Variants in DNAH11 observed in about 807,000 individuals in gnomAD.
DNAH11 encodes the protein dynein axonemal heavy chain 11.
A neutral mutation model predicts 526.0 loss-of-function variants in DNAH11; 442 were observed. The ratio of observed to expected loss-of-function variants is 0.84; its 90% CI spans 0.78 to 0.91. The LOEUF (loss-of-function observed/expected upper bound fraction) is 0.91, where lower values mean the gene tolerates loss of function less well. Ranked by LOEUF, DNAH11 falls within the 40% of genes least tolerant of loss-of-function variation. The pLI, the probability that DNAH11 is intolerant of heterozygous loss-of-function variation, is 0.00. For missense variants in DNAH11, 6,989 were observed against 5,448.7 expected (o/e 1.28, Z -8.90); for synonymous variants, 2,461 against 1,935.9 (o/e 1.27, Z -7.12).
At chr7:21,862,505 A>G (rs1783104140) in intron 69 of DNAH11, among the ~76,000 whole-genome samples, 1 of 152,172 alleles carries the variant, frequency 6.6e-6, no homozygotes, top group Admixed American at 6.5e-5. Flanking sequence ...TAAATTGCTA[A>G]AGGAGTAGAT....
At chr7:21,774,115 C>A in intron 56 of DNAH11, 116 bp downstream of exon 56, 1 of 965,038 alleles carries the variant, frequency 1.0e-6, no homozygotes, top group Non-Finnish European at 1.5e-6. Context: ...GTGAAATTTA[C>A]AGTTTCATGA....
chr7:21,674,364 T>C (rs1782776930), intron 30 of DNAH11, among the ~76,000 whole-genome samples: 1 of 151,830 alleles, frequency 6.6e-6, no homozygotes, highest in Admixed American at 6.6e-5. Flanking sequence ...TCTGTTTTTG[T>C]GTTTTGTTTT....
chr7:21,737,250 G>C (rs1452447954), intron 46 of DNAH11, among the ~76,000 whole-genome samples: 1 of 152,248 alleles, frequency 6.6e-6, no homozygotes, highest in East Asian at 1.9e-4. Flanking sequence ...CTGAAGCATA[G>C]TGATTGGGTG....
In DNAH11 at chr7:21,894,670, C is replaced by T. The variant is rs745881970; in HGVS notation, c.12798C>T (p.Phe4266=). 2.5e-6 allele frequency: 4 copies of T among 1,613,918 alleles called. No individual in the cohort carries two copies. ...DDILEKLPEE[F]NMAEIMQKNS... is the part of the protein sequence containing the mutation. ...TTTTGGAGAAACTTCCAGAAGAGTT[C>T]AACATGGCAGAGATAATGCAAAAAA... Residue 4266 remains phenylalanine, a synonymous_variant, in exon 78 of 82, where the codon TTC becomes TTT. Coordinates refer to ENST00000409508, the MANE Select transcript of DNAH11 (RefSeq NM_001277115.2).
chr7:21,799,256 C>T (rs1218278990), intron 61 of DNAH11, among the ~76,000 whole-genome samples: 2 of 152,126 alleles, frequency 1.3e-5, no homozygotes, highest in Non-Finnish European at 2.9e-5. Context: ...ATACCAGAGC[C>T]TTCGTGTGCT....
Position 21,698,346 on chromosome 7 carries a change from A to G in DNAH11, c.6180+133A>G, listed in dbSNP as rs920878710. The stretch of plus-strand genomic sequence containing the variant: ...TTTTTTGTACTTAAAAAAATTCAAT[A>G]GTTTGGGGGAACAGGTGTTTTTTGG... On this transcript the variant is annotated intron_variant, in intron 36 of 81. Transcript: ENST00000409508. 47 of 1,275,016 alleles carry G rather than the reference A, an allele frequency of 3.7e-5. No homozygotes were observed. The African/African-American group carries it at 5.9e-4, about 16-fold the overall frequency. 79.0% of individuals were successfully genotyped at this position (1,275,016 alleles called of 1,614,324 possible).
At chr7:21,675,519 C>G (rs1372722849) in intron 30 of DNAH11, among the ~76,000 whole-genome samples, 3 of 152,186 alleles carry the variant, frequency 2.0e-5, no homozygotes, top group African/African-American at 7.2e-5. Flanking sequence ...TCTACTTGCC[C>G]TAGCAAAACA....
At position 21,868,873 on chromosome 7, in the gene DNAH11, T is replaced by C; in HGVS notation, c.11849T>C (p.Leu3950Pro). The change falls in exon 73 of 82, where the codon CTT becomes CCT. Residue 3950 changes from leucine (L) to proline (P), a missense_variant. Leu to Pro is a moderately conservative substitution (Grantham distance 98). Transcript: ENST00000409508. The stretch of plus-strand genomic sequence containing the variant: ...GTGTATTCTCCCACAGGCAAAAGAC[T>C]TGGCTTTACAATTGACTCTGGAAAA... ...LKDLEILGKR[L>P]GFTIDSGKFH... 7 of 1,613,954 alleles carry C rather than the reference T, an allele frequency of 4.3e-6. No individual in the cohort carries two copies. Among genetic ancestry groups the C allele is most frequent in the Non-Finnish European group, 5.9e-6 (7 of 1,179,850 alleles).
chr7:21,900,186 C>T, intron 81 of DNAH11, 66 bp downstream of exon 81: 1 of 1,488,284 alleles, frequency 6.7e-7, no homozygotes. Context: ...TGTTTGTCCT[C>T]TGCTTACTGT....
intron 61 of DNAH11, among the ~76,000 whole-genome samples, chr7:21,794,586 G>A (rs976124911): frequency 1.3e-5 from 2 of 152,148 alleles, no homozygotes; most frequent in African/African-American, 4.8e-5. Flanking sequence ...AAGCTAGCTG[G>A]GGGTTTGTGC....
chr7:21,827,731 C>G (rs1393929977), intron 65 of DNAH11, among the ~76,000 whole-genome samples: 1 of 151,794 alleles, frequency 6.6e-6, no homozygotes, highest in Non-Finnish European at 1.5e-5. Context: ...GAAAGTTATG[C>G]TAAGATTAAG....
chr7:21,681,314 C>T (rs944695175), intron 30 of DNAH11, among the ~76,000 whole-genome samples: 2 of 151,982 alleles, frequency 1.3e-5, no homozygotes, highest in African/African-American at 4.8e-5. Context: ...GTAATCCCAA[C>T]TACTAGGGAG....
At chr7:21,610,726 C>G (rs61485468) in intron 20 of DNAH11, among the ~76,000 whole-genome samples, 1 of 151,632 alleles carries the variant, frequency 6.6e-6, no homozygotes, top group East Asian at 1.9e-4. Context: ...AAAAATACAA[C>G]TCAGCAGATG....
chr7:21,556,836 C>T (rs894930433), intron 2 of DNAH11, among the ~76,000 whole-genome samples: 40 of 152,200 alleles, frequency 2.6e-4, no homozygotes, highest in African/African-American at 9.4e-4. Context: ...CCAATGTGGG[C>T]AGATAACTTG....
chr7:21,667,502 ATAGTT>A (rs1322789597), intron 30 of DNAH11, among the ~76,000 whole-genome samples: 3 of 152,198 alleles, frequency 2.0e-5, no homozygotes, highest in Non-Finnish European at 4.4e-5. Flanking sequence ...TTCATGGCCT[ATAGTT>A]TACCACCTCT....
At chr7:21,870,582 TC>T (rs1040124793) in intron 73 of DNAH11, among the ~76,000 whole-genome samples, 3 of 152,200 alleles carry the variant, frequency 2.0e-5, no homozygotes, top group Admixed American at 6.5e-5. Context: ...ATTCTCATGC[TC>T]CCAGTGGCTC....
At chr7:21,570,879 A>T (rs1275858397) in intron 7 of DNAH11, among the ~76,000 whole-genome samples, 1 of 114,970 alleles carries the variant, frequency 8.7e-6, no homozygotes, top group Non-Finnish European at 1.8e-5. Context: ...CTATTGGCTT[A>T]GTTTAAAAAA....
At position 21,739,613 on chromosome 7, in the gene DNAH11, C is replaced by G; in HGVS notation, c.7854C>G (p.Cys2618Trp). The change falls in exon 48 of 82, where the codon TGC becomes TGG. Residue 2618 changes from cysteine to tryptophan, a missense_variant. Coordinates refer to ENST00000409508, the MANE Select transcript of DNAH11 (RefSeq NM_001277115.2). ...TGATGCTTAAAGAAATCCATAACTG[C>G]CAGTATGTCGCCTGCATGAATCCGA... is the stretch of plus-strand genomic sequence containing the variant. ...QKVMLKEIHN[C>W]QYVACMNPMV... 6.2e-7 allele frequency: 1 copy of G among 1,612,798 alleles called. No individual in the cohort carries two copies. Among genetic ancestry groups the G allele is most frequent in the Non-Finnish European group, 8.5e-7 (1 of 1,179,432 alleles).
intron 62 of DNAH11, among the ~76,000 whole-genome samples, chr7:21,804,498 T>C (rs1024135091): frequency 6.6e-6 from 1 of 152,186 alleles, no homozygotes; most frequent in Non-Finnish European, 1.5e-5. Flanking sequence ...AAATGCATAG[T>C]TCATTATGCA....
Sources: gnomAD v4.1 joint callset for allele counts (sites outside exome capture counted in the v4.1 genomes callset) on GRCh38, gnomAD v4.1.1 for gene constraint, MANE v1.5 for transcripts, NCBI Gene and HGNC (gene_info 2026-07-23, HGNC 2026-07-21) for gene names.